Variants in CNOT10 observed in about 807,000 individuals in gnomAD.
The protein encoded by CNOT10 is CCR4-NOT transcription complex subunit 10, also known as CCR4-NOT transcription complex, subunit 10.
A neutral mutation model predicts 94.6 loss-of-function variants in CNOT10; 30 were observed. The observed-to-expected ratio is 0.32, with a 90% confidence interval of 0.24 to 0.43. The LOEUF (loss-of-function observed/expected upper bound fraction) is 0.43, where lower values mean the gene tolerates loss of function less well. Ranked by LOEUF, CNOT10 falls within the 20% of genes least tolerant of loss-of-function variation. The pLI is 1.00. For synonymous variants in CNOT10, 289 were observed against 301.6 expected, an observed-to-expected ratio of 0.96 and a Z score of 0.43; for missense variants, 759 against 877.2, an observed-to-expected ratio of 0.87 and a Z score of 1.70.
chr3:32,746,412 G>A (rs1699702480), intron 13 of CNOT10, among the ~76,000 whole-genome samples: 1 of 152,128 alleles, frequency 6.6e-6, no homozygotes, highest in Non-Finnish European at 1.5e-5. Flanking sequence ...ATCAGTGGGA[G>A]CCCTGAGCTT....
intron 17 of CNOT10, among the ~76,000 whole-genome samples, chr3:32,768,136 C>G (rs1477448602): frequency 6.6e-6 from 1 of 152,088 alleles, no homozygotes; most frequent in African/African-American, 2.4e-5. Context: ...ACTAACCATT[C>G]TGAACAGCCA....
chr3:32,749,194 TTG>T (rs1309449401), intron 13 of CNOT10, among the ~76,000 whole-genome samples: 1 of 150,210 alleles, frequency 6.7e-6, no homozygotes, highest in African/African-American at 2.5e-5. Flanking sequence ...ATTCTGAGGG[TTG>T]TCTTTTCACT....
intron 2 of CNOT10, 60 bp from the exon 3 acceptor site, chr3:32,704,751 A>G: frequency 6.8e-7 from 1 of 1,473,964 alleles, no homozygotes; most frequent in Middle Eastern, 1.8e-4. Context: ...TTGGAATGAT[A>G]TACTGTATTT....
intron 5 of CNOT10, among the ~76,000 whole-genome samples, chr3:32,713,689 T>C (rs1697988408): frequency 6.6e-6 from 1 of 152,212 alleles, no homozygotes; most frequent in South Asian, 2.1e-4. Flanking sequence ...AAGCAGCCGT[T>C]AATCTAATTA....
In CNOT10 at chr3:32,723,890, G is replaced by C. The variant is rs191636540; in HGVS notation, c.863-1560G>C. 1.6e-3 allele frequency among the ~76,000 whole-genome samples: 246 copies of C among 152,242 alleles called. 1 individual carries two copies. The highest frequency in any genetic ancestry group is 5.8e-3 in the African/African-American group (239 of 41,550). On this transcript the variant is annotated intron_variant, in intron 8 of 18. Coordinates refer to ENST00000328834, the MANE Select transcript of CNOT10 (RefSeq NM_015442.3). ...GATTCCAGGAGTTTGCGACCAGCCT[G>C]AGCAACACAGGGACCCTGTCTCTGC...
At position 32,769,542 on chromosome 3, in the gene CNOT10, A is replaced by G. The variant is rs1421999952; in HGVS notation, c.2005-345A>G. The G allele has an allele frequency of 1.4e-5, 3 of 220,520 alleles. No homozygotes were observed. The East Asian group carries it at 2.8e-4, about 20-fold the overall frequency. 13.7% of individuals were successfully genotyped at this position (220,520 alleles called of 1,614,324 possible). On this transcript the variant is annotated intron_variant, in intron 17 of 18. Transcript: ENST00000328834. ...TGACATTGACAACTTACAGTTTGTA[A>G]TACTGAAGTGTTACTTAGGAAAACA... is the stretch of plus-strand genomic sequence containing the variant.
At chr3:32,697,239 C>T (rs1484114693) in intron 1 of CNOT10, among the ~76,000 whole-genome samples, 2 of 152,106 alleles carry the variant, frequency 1.3e-5, no homozygotes, top group African/African-American at 2.4e-5. Context: ...CGTGAGCCAC[C>T]ATGTCCAGCC....
At chr3:32,750,361 GT>G (rs1699910000) in intron 13 of CNOT10, among the ~76,000 whole-genome samples, 1 of 151,946 alleles carries the variant, frequency 6.6e-6, no homozygotes, top group Admixed American at 6.6e-5. Context: ...CAGGTGCGGT[GT>G]TGTGTGCCTA....
intron 1 of CNOT10, among the ~76,000 whole-genome samples, chr3:32,686,686 AT>A (rs1696615240): frequency 6.6e-6 from 1 of 152,212 alleles, no homozygotes; most frequent in African/African-American, 2.4e-5. Context: ...GGAAAACGGC[AT>A]GGCCTGTCCA....
intron 13 of CNOT10, among the ~76,000 whole-genome samples, chr3:32,747,964 CA>C (rs35943950): frequency 1.4e-3 from 209 of 150,476 alleles, no homozygotes; most frequent in African/African-American, 4.6e-3. Flanking sequence ...CCCCCACCTC[CA>C]AAAAAAAAGA....
At chr3:32,743,968 A>G (rs1699589997) in intron 13 of CNOT10, among the ~76,000 whole-genome samples, 1 of 152,128 alleles carries the variant, frequency 6.6e-6, no homozygotes, top group Non-Finnish European at 1.5e-5. Context: ...TCTGGAGCAG[A>G]TGGGAGGGAG....
At chr3:32,704,064 A>G (rs1028740214) in intron 2 of CNOT10, 102 bp downstream of exon 2, 2 of 650,814 alleles carry the variant, frequency 3.1e-6, no homozygotes, top group East Asian at 5.8e-5. Flanking sequence ...CTCTGTAATA[A>G]TTCAAAAGTT....
At chr3:32,698,109 G>C (rs1217468621) in intron 1 of CNOT10, among the ~76,000 whole-genome samples, 1 of 152,144 alleles carries the variant, frequency 6.6e-6, no homozygotes, top group Non-Finnish European at 1.5e-5. Context: ...ACATGTATTG[G>C]ATAAACAGTA....
intron 13 of CNOT10, among the ~76,000 whole-genome samples, chr3:32,758,495 ACT>A (rs1466873456): frequency 2.0e-5 from 3 of 152,050 alleles, no homozygotes; most frequent in Admixed American, 6.6e-5. Context: ...ACATTTCAAA[ACT>A]CTGTGGTGAT....
Position 32,773,394 on chromosome 3 carries a change from T to C in CNOT10, c.2081-63T>C, listed in dbSNP as rs1002940657. On this transcript the variant is annotated intron_variant, in intron 18 of 18. Transcript: ENST00000328834. The stretch of plus-strand genomic sequence containing the variant: ...TTACCTCCCCAGCAGGATTTTCATG[T>C]CTTGCTTTGTGTGTGGCAGTATTGT... 6 of 1,501,142 alleles carry C rather than the reference T, an allele frequency of 4.0e-6. No homozygotes were observed. The African/African-American group carries it at 8.4e-5, about 21-fold the overall frequency. The allele number at this position is 1,501,142 out of a possible 1,614,324, so 93.0% of individuals were successfully genotyped here. A position where few individuals can be genotyped will look rare whatever the true frequency, so the allele number is the denominator to read the frequency against.
intron 17 of CNOT10, chr3:32,769,620 G>C (rs1338750106): frequency 5.3e-6 from 2 of 379,876 alleles, no homozygotes; most frequent in Non-Finnish European, 9.9e-6. Context: ...TGTTGTGAAA[G>C]CCACCAGCAG....
intron 13 of CNOT10, chr3:32,753,332 G>C: frequency 8.8e-7 from 1 of 1,139,200 alleles, no homozygotes; most frequent in Non-Finnish European, 1.3e-6. Flanking sequence ...AATCAGGTAT[G>C]ACTGGTATCA....
chr3:32,723,105 T>C (rs1484723317), intron 8 of CNOT10, among the ~76,000 whole-genome samples: 1 of 151,922 alleles, frequency 6.6e-6, no homozygotes, highest in African/African-American at 2.4e-5. Context: ...AGAAAAACAA[T>C]ATTAAAGGCC....
chr3:32,725,620 C>G, intron 9 of CNOT10, 21 bp downstream of exon 9: 1 of 1,579,004 alleles, frequency 6.3e-7, no homozygotes, highest in South Asian at 1.2e-5. Flanking sequence ...TACTGGGGGA[C>G]AGTTTGTATT....
Sources: allele counts gnomAD v4.1 joint callset (sites outside exome capture counted in the v4.1 genomes callset), GRCh38; gene constraint gnomAD v4.1.1; transcripts MANE v1.5; gene names NCBI Gene and HGNC (gene_info 2026-07-23, HGNC 2026-07-21).